Variants in FAT3 observed in about 807,000 individuals in gnomAD.
The protein encoded by FAT3 is FAT atypical cadherin 3.
Under a neutral mutation model 310.2 loss-of-function variants are expected in FAT3, and 95 were observed. The ratio of observed to expected loss-of-function variants is 0.31; its 90% CI spans 0.26 to 0.36. FAT3 has a LOEUF of 0.36. Among genes scored for constraint, FAT3 ranks in the 10% least tolerant of loss-of-function variants. The probability of loss-of-function intolerance (pLI) is 1.00; values close to 1 mark genes in which losing one functional copy is unlikely to be tolerated. For synonymous variants in FAT3, 2,314 were observed against 2,192.9 expected (o/e 1.06, Z -1.54); for missense variants, 5,408 against 5,715.6 (o/e 0.95, Z 1.74).
intron 3 of FAT3, among the ~76,000 whole-genome samples, chr11:92,634,700 G>A (rs1346916560): frequency 6.6e-6 from 1 of 152,186 alleles, no homozygotes; most frequent in Admixed American, 6.5e-5. Context: ...GAACATATGA[G>A]CATTGCTCAG....
intron 2 of FAT3, among the ~76,000 whole-genome samples, chr11:92,430,211 G>A (rs1950734483): frequency 6.6e-6 from 1 of 152,192 alleles, no homozygotes; most frequent in South Asian, 2.1e-4. Flanking sequence ...CTCATGCTGT[G>A]TTTTGCAGCT....
At chr11:92,826,475 G>T (rs1190926719) in intron 13 of FAT3, among the ~76,000 whole-genome samples, 1 of 152,172 alleles carries the variant, frequency 6.6e-6, no homozygotes, top group African/African-American at 2.4e-5. Flanking sequence ...AACAGGACAA[G>T]AAGGAACCTA....
chr11:92,527,292 C>T (rs1953899017), intron 3 of FAT3, among the ~76,000 whole-genome samples: 1 of 152,104 alleles, frequency 6.6e-6, no homozygotes, highest in South Asian at 2.1e-4. Context: ...ATTATTGAAC[C>T]TCTCTTAAAT....
At chr11:92,817,105 C>T (rs1031050046) in intron 13 of FAT3, among the ~76,000 whole-genome samples, 3 of 152,104 alleles carry the variant, frequency 2.0e-5, no homozygotes, top group African/African-American at 4.8e-5. Context: ...CACATGCCCT[C>T]GGATGTCTCT....
chr11:92,699,775 A>T (rs573525295), intron 4 of FAT3, among the ~76,000 whole-genome samples: 1 of 152,348 alleles, frequency 6.6e-6, no homozygotes, highest in African/African-American at 2.4e-5. Flanking sequence ...TTGGGAGATT[A>T]AACTATAAAA....
In FAT3 at chr11:92,891,105, C is replaced by G. The variant is rs2136450958; in HGVS notation, c.13762C>G (p.Gln4588Glu). The G allele has an allele frequency of 6.2e-7, 1 of 1,613,188 alleles. No homozygotes were observed. The change falls in exon 28 of 28, where the codon CAA becomes GAA. Residue 4588 changes from glutamine to glutamate, a missense_variant. This residue lies in a region of FAT3 where 649 missense variants were observed against 666.2 expected (regional missense o/e 0.97). Coordinates refer to ENST00000525166, the MANE Select transcript of FAT3 (RefSeq NM_001367949.2). ...CTTTGTGGAGACTCAGCATCAGACT[C>G]AAGTGTAGACATCACATCTTGGGTA... ...IPFVETQHQT[Q>E]V is the part of the protein sequence containing the mutation.
chr11:92,269,474 T>C (rs899707787), intron 1 of FAT3, among the ~76,000 whole-genome samples: 19 of 152,178 alleles, frequency 1.2e-4, no homozygotes, highest in African/African-American at 3.6e-4. Context: ...CATGAAAAAG[T>C]GAAGCTGGGA....
At chr11:92,869,520 C>T (rs947488668) in intron 22 of FAT3, among the ~76,000 whole-genome samples, 1 of 152,196 alleles carries the variant, frequency 6.6e-6, no homozygotes. Flanking sequence ...AGGGATGAAG[C>T]CTTGGCTTCT....
chr11:92,806,569 T>C, intron 12 of FAT3, 54 bp downstream of exon 12: 1 of 1,457,156 alleles, frequency 6.9e-7, no homozygotes. Context: ...ATGAGAGAAG[T>C]TAAACTTATG....
At chr11:92,387,807 C>T (rs929689862) in intron 2 of FAT3, among the ~76,000 whole-genome samples, 4 of 152,176 alleles carry the variant, frequency 2.6e-5, no homozygotes, top group Admixed American at 6.5e-5. Flanking sequence ...TGAGGAGGAA[C>T]AGCAGTGGAG....
intron 3 of FAT3, among the ~76,000 whole-genome samples, chr11:92,697,130 A>T (rs1943967219): frequency 6.6e-6 from 1 of 152,196 alleles, no homozygotes; most frequent in Admixed American, 6.5e-5. Context: ...AAGTTTTTTT[A>T]GTGATTTTTT....
intron 4 of FAT3, among the ~76,000 whole-genome samples, chr11:92,750,569 A>G (rs986190478): frequency 6.6e-6 from 1 of 152,072 alleles, no homozygotes; most frequent in Non-Finnish European, 1.5e-5. Flanking sequence ...CGAAGTTACA[A>G]AGGTTAAAGC....
chr11:92,402,324 G>T (rs1052563198), intron 2 of FAT3, among the ~76,000 whole-genome samples: 1 of 152,142 alleles, frequency 6.6e-6, no homozygotes, highest in Non-Finnish European at 1.5e-5. Context: ...GGGGAAAAAA[G>T]AGACAGAAAA....
intron 3 of FAT3, among the ~76,000 whole-genome samples, chr11:92,611,463 A>G (rs1194073173): frequency 6.6e-6 from 1 of 151,890 alleles, no homozygotes; most frequent in African/African-American, 2.4e-5. Context: ...GCTAGAATAC[A>G]GTGGTGTGAC....
intron 3 of FAT3, among the ~76,000 whole-genome samples, chr11:92,586,339 T>G (rs532831042): frequency 6.6e-6 from 1 of 152,084 alleles, no homozygotes; most frequent in South Asian, 2.1e-4. Context: ...CCTGCAGTCT[T>G]AAAAAATACT....
At chr11:92,227,658 G>T (rs1390317769) in intron 1 of FAT3, among the ~76,000 whole-genome samples, 2 of 152,076 alleles carry the variant, frequency 1.3e-5, no homozygotes, top group Non-Finnish European at 2.9e-5. Flanking sequence ...AGGGGATGGA[G>T]GAGAGAAGAG....
At chr11:92,805,047 A>G (rs1947464492) in intron 10 of FAT3, 106 bp from the exon 11 acceptor site, 5 of 1,056,304 alleles carry the variant, frequency 4.7e-6, no homozygotes, top group African/African-American at 1.6e-5. Flanking sequence ...TAAATGATAC[A>G]GTTTAAGGAG....
At chr11:92,365,152 CCCAGCTACA>C (rs1948985705) in intron 2 of FAT3, among the ~76,000 whole-genome samples, 1 of 152,074 alleles carries the variant, frequency 6.6e-6, no homozygotes. Flanking sequence ...CACCTGTGGT[CCCAGCTACA>C]TGGGAGGCTG....
chr11:92,235,777 C>G (rs899850570), intron 1 of FAT3, among the ~76,000 whole-genome samples: 1 of 152,194 alleles, frequency 6.6e-6, no homozygotes, highest in Non-Finnish European at 1.5e-5. Context: ...ATTGGCTGAT[C>G]TGCTCAAGCT....
Sources: allele counts gnomAD v4.1 joint callset (sites outside exome capture counted in the v4.1 genomes callset), GRCh38; gene constraint gnomAD v4.1.1; regional missense constraint gnomAD v4.1.1; transcripts MANE v1.5; gene names NCBI Gene and HGNC (gene_info 2026-07-23, HGNC 2026-07-21).